VCF1: variants seen among roughly 807,000 people sequenced by gnomAD.
VCF1 encodes VCP nuclear cofactor family member 1, also known as protein VCF1.
the VCF1 span, among the ~76,000 whole-genome samples, chr17:73,228,456 C>G: frequency 9.9e-5 from 15 of 152,278 alleles, no homozygotes; most frequent in African/African-American, 3.4e-4. Context: ...AATGATCACC[C>G]TAAGCTCACT....
At chr17:73,208,116 A>C in the VCF1 span, 1 of 1,457,098 alleles carries the variant, frequency 6.9e-7, no homozygotes, top group Non-Finnish European at 9.0e-7. Context: ...TCCAAATTCT[A>C]GTTTTGTCAC....
chr17:73,207,625 T>C, the VCF1 span: 2 of 1,111,730 alleles, frequency 1.8e-6, no homozygotes, highest in Non-Finnish European at 1.2e-6. Context: ...TCTTCCCTTT[T>C]AGTTGGGTGG....
chr17:73,210,754 G>A, the VCF1 span, among the ~76,000 whole-genome samples: 1 of 115,162 alleles, frequency 8.7e-6, no homozygotes, highest in African/African-American at 3.3e-5. Flanking sequence ...ACCATGCCTC[G>A]TTATTTTTTT....
chr17:73,224,892 C>T, the VCF1 span, among the ~76,000 whole-genome samples: 14 of 48,146 alleles, frequency 2.9e-4, no homozygotes, highest in East Asian at 1.8e-3. Context: ...CAGCACAGGA[C>T]AGGACAGGAC....
At chr17:73,232,361 C>A in the VCF1 span, 1 of 1,477,668 alleles carries the variant, frequency 6.8e-7, no homozygotes, top group African/African-American at 1.4e-5. Flanking sequence ...ACCATCCCAA[C>A]CGCACCGACT....
the VCF1 span, chr17:73,227,285 GAA>G: frequency 0.059 from 73,544 of 1,257,128 alleles, 1,073 homozygotes; most frequent in Non-Finnish European, 0.068. Flanking sequence ...ATCACAAGGA[GAA>G]AAAAAAAAAA....
the VCF1 span, among the ~76,000 whole-genome samples, chr17:73,216,619 G>A: frequency 1.4e-4 from 21 of 152,120 alleles, no homozygotes; most frequent in Admixed American, 1.2e-3. Context: ...AAAGAAGGGA[G>A]AAATACTAGA....
At chr17:73,216,525 A>C in the VCF1 span, among the ~76,000 whole-genome samples, 6 of 152,290 alleles carry the variant, frequency 3.9e-5, no homozygotes, top group South Asian at 1.2e-3. Flanking sequence ...GGGGAAAACA[A>C]GGCAGAGAGG....
chr17:73,208,131 G>A, the VCF1 span: 3 of 1,483,572 alleles, frequency 2.0e-6, no homozygotes, highest in Non-Finnish European at 2.7e-6. Context: ...TGTCACAAAG[G>A]CTCATGCTGT....
At chr17:73,232,388 G>A in the VCF1 span, 4 of 1,411,288 alleles carry the variant, frequency 2.8e-6, no homozygotes, top group Non-Finnish European at 3.7e-6. Context: ...CCCGCCCACG[G>A]GAAGAGGCGG....
chr17:73,224,264 A>AAAG, the VCF1 span, among the ~76,000 whole-genome samples: 2 of 69,408 alleles, frequency 2.9e-5, no homozygotes, highest in East Asian at 9.0e-4. Context: ...TCGTCTCTCC[A>AAAG]AAAAAAAAAA....
chr17:73,222,152 A>G, the VCF1 span, among the ~76,000 whole-genome samples: 2 of 150,830 alleles, frequency 1.3e-5, no homozygotes, highest in Admixed American at 1.3e-4. Context: ...AAGCCATGAC[A>G]GCACCACGGC....
chr17:73,229,867 CAAAAAAAA>C, the VCF1 span, among the ~76,000 whole-genome samples: 13 of 22,624 alleles, frequency 5.7e-4, no homozygotes, highest in South Asian at 3.4e-3. Flanking sequence ...GACTCCATCT[CAAAAAAAA>C]AAAAAAAAAA....
the VCF1 span, chr17:73,208,462 C>T: frequency 2.5e-6 from 4 of 1,613,656 alleles, no homozygotes; most frequent in Non-Finnish European, 3.4e-6. Context: ...CATGGCAACA[C>T]ATCTGTCTCT....
At chr17:73,217,034 A>G in the VCF1 span, among the ~76,000 whole-genome samples, 1 of 152,196 alleles carries the variant, frequency 6.6e-6, no homozygotes, top group African/African-American at 2.4e-5. Context: ...TTCTCTTCTT[A>G]ATTTGAAAAG....
At chr17:73,221,186 CGG>C in the VCF1 span, among the ~76,000 whole-genome samples, 1 of 262 alleles carries the variant, frequency 3.8e-3, no homozygotes, top group Non-Finnish European at 9.8e-3. Flanking sequence ...CATGAGCCAC[CGG>C]GCCCCAGCCA....
At chr17:73,224,860 G>C in the VCF1 span, among the ~76,000 whole-genome samples, 194 of 45,000 alleles carry the variant, frequency 4.3e-3, 1 homozygote, top group Middle Eastern at 0.012. Context: ...GACAGGACAG[G>C]ACAGCACAGG....
chr17:73,231,250 A>G, the VCF1 span, among the ~76,000 whole-genome samples: 1 of 152,224 alleles, frequency 6.6e-6, no homozygotes, highest in Non-Finnish European at 1.5e-5. Flanking sequence ...ATCCTTGTGG[A>G]AAGACCGTAA....
At chr17:73,227,514 A>G in the VCF1 span, 2 of 704,684 alleles carry the variant, frequency 2.8e-6, no homozygotes, top group Non-Finnish European at 3.7e-6. Context: ...AAGCTTAACA[A>G]TTTTAAATGT....
Sources: allele counts gnomAD v4.1 joint callset (sites outside exome capture counted in the v4.1 genomes callset), GRCh38; gene constraint gnomAD v4.1.1; transcripts MANE v1.5; gene names NCBI Gene and HGNC (gene_info 2026-07-23, HGNC 2026-07-21).